Variants in ZNF600 observed in about 807,000 individuals in gnomAD.
The protein encoded by ZNF600 is zinc finger protein 600.
In ZNF600, 4 loss-of-function variants were observed where a neutral mutation model predicts 7.3. The observed-to-expected ratio is 0.55, with a 90% CI of 0.27 to 1.25. The LOEUF (loss-of-function observed/expected upper bound fraction) is 1.25. ZNF600 is among the 50% of genes most tolerant of loss of function. The pLI is 0.12. For synonymous variants in ZNF600, 290 were observed against 308.9 expected (o/e 0.94, Z 0.64); for missense variants, 911 against 922.1 (o/e 0.99, Z 0.16).
downstream of ZNF600, chr19:52,764,255 A>T (rs928753622): frequency 1.3e-5 from 2 of 152,056 alleles, no homozygotes; most frequent in Non-Finnish European, 2.9e-5. Flanking sequence ...TCTACTGCCC[A>T]GGCTGAGGGC....
At chr19:52,807,610 G>A in the ZNF600 span, among the ~76,000 whole-genome samples, 1 of 152,294 alleles carries the variant, frequency 6.6e-6, no homozygotes, top group African/African-American at 2.4e-5. Context: ...TAGGAGCTGG[G>A]ATTACACATA....
At chr19:52,800,940 T>C in the ZNF600 span, 7 of 1,614,178 alleles carry the variant, frequency 4.3e-6, no homozygotes, top group African/African-American at 2.7e-5. Flanking sequence ...GTCACATTCT[T>C]CACATTCATA....
the ZNF600 span, among the ~76,000 whole-genome samples, chr19:52,822,955 C>G: frequency 6.6e-6 from 1 of 152,058 alleles, no homozygotes; most frequent in South Asian, 2.1e-4. Flanking sequence ...GCCCGTGTTC[C>G]CAAGTAGAGA....
chr19:52,820,482 C>T, the ZNF600 span, among the ~76,000 whole-genome samples: 9 of 151,378 alleles, frequency 5.9e-5, no homozygotes, highest in Non-Finnish European at 1.2e-4. Flanking sequence ...CATAGATTTC[C>T]ACCTCTTCTC....
chr19:52,766,802 C>T (rs1358041976), exon 4 of ZNF600: 2 of 1,613,990 alleles, frequency 1.2e-6, no homozygotes, highest in Non-Finnish European at 1.7e-6. Flanking sequence ...TCTTATGTGA[C>T]TCAAGGGTTG....
the ZNF600 span, among the ~76,000 whole-genome samples, chr19:52,812,468 C>G: frequency 1.1e-4 from 14 of 122,532 alleles, no homozygotes; most frequent in East Asian, 2.8e-3. Flanking sequence ...GACCTTATCC[C>G]CAACCCTGTG....
upstream of ZNF600, among the ~76,000 whole-genome samples, chr19:52,787,015 C>A (rs376416834): frequency 1.2e-4 from 18 of 152,402 alleles, 1 homozygote; most frequent in East Asian, 9.6e-4. Flanking sequence ...AACGGGAATG[C>A]AAACTAGAAT....
At chr19:52,778,399 C>T (rs2062693760) in intron 2 of ZNF600, among the ~76,000 whole-genome samples, 1 of 152,032 alleles carries the variant, frequency 6.6e-6, no homozygotes, top group South Asian at 2.1e-4. Context: ...AAATCAGATA[C>T]AAAATACCTC....
intron 1 of ZNF600, among the ~76,000 whole-genome samples, chr19:52,782,830 G>A (rs1489988549): frequency 2.6e-5 from 4 of 151,544 alleles, no homozygotes; most frequent in African/African-American, 7.3e-5. Flanking sequence ...AGTAAAGATC[G>A]CTCCACTGCA....
the ZNF600 span, chr19:52,806,026 C>G: frequency 2.0e-5 from 3 of 152,188 alleles, 1 homozygote; most frequent in Admixed American, 2.0e-4. Flanking sequence ...GATACAGAAA[C>G]TGGCATATGT....
chr19:52,808,234 T>G, the ZNF600 span: 2 of 1,545,422 alleles, frequency 1.3e-6, no homozygotes, highest in East Asian at 2.3e-5. Flanking sequence ...TTGTAGTGAA[T>G]GTTCTCACAA....
chr19:52,827,017 T>C, the ZNF600 span, among the ~76,000 whole-genome samples: 1 of 151,952 alleles, frequency 6.6e-6, no homozygotes, highest in African/African-American at 2.4e-5. Context: ...AAAGCTATAG[T>C]GAGCTTTGAC....
chr19:52,811,694 G>C, the ZNF600 span, among the ~76,000 whole-genome samples: 1 of 147,310 alleles, frequency 6.8e-6, no homozygotes, highest in African/African-American at 2.6e-5. Context: ...CCCTCCGTCC[G>C]GCAACCACCC....
At chr19:52,787,047 G>C (rs1198130834), upstream of ZNF600, among the ~76,000 whole-genome samples, 1 of 152,270 alleles carries the variant, frequency 6.6e-6, no homozygotes, top group Non-Finnish European at 1.5e-5. Flanking sequence ...AGCCCTGCCA[G>C]GGCGGAACAT....
intron 2 of ZNF600, among the ~76,000 whole-genome samples, chr19:52,776,587 T>C (rs1030581352): frequency 2.0e-5 from 3 of 152,102 alleles, no homozygotes; most frequent in African/African-American, 7.2e-5. Context: ...AATTTTTGTA[T>C]ATTTAGCAGA....
chr19:52,810,219 G>A, the ZNF600 span: 17 of 1,121,332 alleles, frequency 1.5e-5, no homozygotes, highest in Non-Finnish European at 1.6e-5. Context: ...ACAGAACGAC[G>A]TAGAGAAGCA....
exon 4 of ZNF600, chr19:52,766,552 C>A (rs568645238): frequency 2.2e-5 from 35 of 1,613,966 alleles, no homozygotes; most frequent in Non-Finnish European, 3.0e-5. Context: ...GTATGTCTTA[C>A]CAGGTGTGAA....
At chr19:52,815,901 C>T in the ZNF600 span, among the ~76,000 whole-genome samples, 8 of 147,218 alleles carry the variant, frequency 5.4e-5, 1 homozygote, top group Admixed American at 1.4e-4. Context: ...ACTCCAATGA[C>T]GTGAGTTTGC....
upstream of ZNF600, among the ~76,000 whole-genome samples, chr19:52,790,389 T>C (rs1298028963): frequency 6.6e-6 from 1 of 152,100 alleles, no homozygotes; most frequent in Non-Finnish European, 1.5e-5. Context: ...CCCAGCTACT[T>C]GGATGGCTGA....
Sources: allele counts gnomAD v4.1 joint callset (sites outside exome capture counted in the v4.1 genomes callset), GRCh38; gene constraint gnomAD v4.1.1; transcripts MANE v1.5; gene names NCBI Gene and HGNC (gene_info 2026-07-23, HGNC 2026-07-21).